The following VPS13D variants were observed in gnomAD, a reference collection of about 807,000 sequenced individuals.
The protein encoded by VPS13D is vacuolar protein sorting 13 homolog D, also known as intermembrane lipid transfer protein VPS13D.
In VPS13D, 187 loss-of-function variants were observed where a neutral mutation model predicts 461.9. That is an observed-to-expected ratio of 0.40 (90% CI 0.36 to 0.46). The LOEUF is 0.46. Ranked by LOEUF, VPS13D falls within the 20% of genes least tolerant of loss-of-function variation. The pLI is 0.60. For missense variants in VPS13D, 4,711 were observed against 5,364.9 expected, an observed-to-expected ratio of 0.88 and a Z score of 3.81; for synonymous variants, 1,951 against 1,986.3, an observed-to-expected ratio of 0.98 and a Z score of 0.47.
At chr1:12,462,673 T>G (rs1302395723) in intron 67 of VPS13D, among the ~76,000 whole-genome samples, 2 of 152,212 alleles carry the variant, frequency 1.3e-5, no homozygotes, top group South Asian at 2.1e-4. Context: ...ATTTCTCTTG[T>G]ACGTGTTTCA....
At chr1:12,470,958 T>A (rs1329169107) in intron 67 of VPS13D, among the ~76,000 whole-genome samples, 2 of 152,232 alleles carry the variant, frequency 1.3e-5, no homozygotes, top group Non-Finnish European at 2.9e-5. Context: ...TTAGTTTTTT[T>A]ATACCTTAGC....
At chr1:12,262,906 G>A (rs995121682) in intron 13 of VPS13D, among the ~76,000 whole-genome samples, 10 of 151,968 alleles carry the variant, frequency 6.6e-5, no homozygotes, top group African/African-American at 1.9e-4. Flanking sequence ...GTATCGCTAC[G>A]TTGGCCAGGC....
intron 37 of VPS13D, among the ~76,000 whole-genome samples, chr1:12,330,774 G>A (rs1370165156): frequency 1.3e-5 from 2 of 152,016 alleles, no homozygotes; most frequent in African/African-American, 4.8e-5. Context: ...CACCAGACTG[G>A]CCAGGCTGGT....
intron 65 of VPS13D, among the ~76,000 whole-genome samples, chr1:12,425,563 A>T (rs996347394): frequency 3.1e-5 from 4 of 129,236 alleles, no homozygotes; most frequent in African/African-American, 1.2e-4. Context: ...TTTCTGTCTT[A>T]AAAAAAAAAA....
intron 52 of VPS13D, chr1:12,367,589 T>TA (rs1197344019): frequency 4.5e-4 from 68 of 151,936 alleles, no homozygotes; most frequent in African/African-American, 1.4e-3. Context: ...TTTATTTATT[T>TA]TTGGAAACAG....
intron 52 of VPS13D, chr1:12,367,798 G>T (rs1188201596): frequency 6.6e-6 from 1 of 152,066 alleles, no homozygotes; most frequent in Admixed American, 6.6e-5. Context: ...TAGTAGAGAC[G>T]CAGTTTCGCT....
intron 67 of VPS13D, among the ~76,000 whole-genome samples, chr1:12,491,028 C>G (rs925374993): frequency 6.6e-6 from 1 of 152,202 alleles, no homozygotes; most frequent in Non-Finnish European, 1.5e-5. Flanking sequence ...GCCATTTGGT[C>G]AAGAACCCTG....
intron 67 of VPS13D, among the ~76,000 whole-genome samples, chr1:12,479,027 C>T (rs1186844868): frequency 3.3e-5 from 5 of 152,242 alleles, no homozygotes; most frequent in African/African-American, 7.2e-5. Context: ...GGCCGCCCCA[C>T]GGAGTGGCCT....
At chr1:12,498,526 G>A (rs1645990813) in intron 68 of VPS13D, among the ~76,000 whole-genome samples, 1 of 152,196 alleles carries the variant, frequency 6.6e-6, no homozygotes, top group South Asian at 2.1e-4. Flanking sequence ...TTTGTTGCTT[G>A]CCGGATAGAA....
intron 65 of VPS13D, among the ~76,000 whole-genome samples, chr1:12,424,033 G>T (rs2100269444): frequency 6.6e-6 from 1 of 152,280 alleles, no homozygotes; most frequent in Non-Finnish European, 1.5e-5. Context: ...TAGTTGAGCT[G>T]ATTATCCCCA....
chr1:12,308,737 C>T (rs550466485), intron 27 of VPS13D, 96 bp downstream of exon 27: 2 of 1,136,976 alleles, frequency 1.8e-6, no homozygotes, highest in Admixed American at 2.2e-5. Context: ...GCAACCTCCA[C>T]CTCTGAGGTT....
At chr1:12,494,814 G>T (rs1271180790) in intron 67 of VPS13D, among the ~76,000 whole-genome samples, 1 of 152,138 alleles carries the variant, frequency 6.6e-6, no homozygotes, top group East Asian at 1.9e-4. Flanking sequence ...TTCATATTTT[G>T]CCTCAATGTT....
At chr1:12,264,846 A>G (rs1002607929) in intron 13 of VPS13D, among the ~76,000 whole-genome samples, 1 of 152,224 alleles carries the variant, frequency 6.6e-6, no homozygotes, top group African/African-American at 2.4e-5. Flanking sequence ...TTGGAAGAAA[A>G]TGCCATCTAG....
chr1:12,463,377 G>T (rs1305517192), intron 67 of VPS13D, among the ~76,000 whole-genome samples: 4 of 152,186 alleles, frequency 2.6e-5, no homozygotes, highest in Non-Finnish European at 5.9e-5. Flanking sequence ...CTTCTGAAGG[G>T]ATACATAGCA....
chr1:12,455,971 T>C, intron 65 of VPS13D, 27 bp from the exon 66 acceptor site: 1 of 1,580,434 alleles, frequency 6.3e-7, no homozygotes, highest in Non-Finnish European at 8.6e-7. Context: ...ACTTTAAAAC[T>C]CTTCTCCTGC....
chr1:12,393,028 G>A (rs978889823), intron 60 of VPS13D, among the ~76,000 whole-genome samples: 1 of 152,210 alleles, frequency 6.6e-6, no homozygotes, highest in Non-Finnish European at 1.5e-5. Flanking sequence ...GGTTGTAGGA[G>A]GGACCAAACG....
intron 67 of VPS13D, among the ~76,000 whole-genome samples, chr1:12,486,920 CAAG>C (rs1645804709): frequency 2.0e-5 from 3 of 152,100 alleles, no homozygotes; most frequent in Admixed American, 2.0e-4. Flanking sequence ...ATAGAAGAGA[CAAG>C]AATCCCTGGT....
At chr1:12,430,555 T>C (rs1442056377) in intron 65 of VPS13D, among the ~76,000 whole-genome samples, 1 of 152,210 alleles carries the variant, frequency 6.6e-6, no homozygotes, top group Non-Finnish European at 1.5e-5. Flanking sequence ...TGATGGGAAA[T>C]TAAGTTACAC....
chr1:12,267,149 A>G (rs1641296730), intron 14 of VPS13D, 138 bp downstream of exon 14: 3 of 944,306 alleles, frequency 3.2e-6, no homozygotes, highest in Non-Finnish European at 4.3e-6. Flanking sequence ...GTTTCTTGAA[A>G]TTGTTAAAGA....
Sources: gnomAD v4.1 joint callset for allele counts (sites outside exome capture counted in the v4.1 genomes callset) on GRCh38, gnomAD v4.1.1 for gene constraint, MANE v1.5 for transcripts, NCBI Gene and HGNC (gene_info 2026-07-23, HGNC 2026-07-21) for gene names.